Variants in HPSE2 observed in about 807,000 individuals in gnomAD.
HPSE2 encodes heparanase 2 (inactive), also known as inactive heparanase-2.
In HPSE2, 38 loss-of-function variants were observed where a neutral mutation model predicts 60.5. That is an observed-to-expected ratio of 0.63 (90% CI 0.48 to 0.82). The LOEUF (loss-of-function observed/expected upper bound fraction) is 0.82, where lower values mean the gene tolerates loss of function less well. Among genes scored for constraint, HPSE2 ranks in the 40% least tolerant of loss-of-function variants. The pLI, the probability that HPSE2 is intolerant of heterozygous loss-of-function variation, is 0.00. For synonymous variants in HPSE2, 295 were observed against 293.2 expected, an observed-to-expected ratio of 1.01 and a Z score of -0.06; for missense variants, 713 against 740.4, an observed-to-expected ratio of 0.96 and a Z score of 0.43.
At chr10:98,916,796 G>A (rs553393162) in intron 3 of HPSE2, among the ~76,000 whole-genome samples, 52 of 152,228 alleles carry the variant, frequency 3.4e-4, no homozygotes, top group African/African-American at 1.2e-3. Context: ...TAACACATAG[G>A]TCTGGCCCCT....
chr10:99,014,882 C>G (rs1030456260), intron 3 of HPSE2, among the ~76,000 whole-genome samples: 7 of 152,050 alleles, frequency 4.6e-5, no homozygotes, highest in Non-Finnish European at 7.4e-5. Flanking sequence ...GAGCGAACAG[C>G]CAACCTACAG....
At chr10:98,793,549 T>C (rs1663888703) in intron 3 of HPSE2, among the ~76,000 whole-genome samples, 1 of 152,230 alleles carries the variant, frequency 6.6e-6, no homozygotes, top group Non-Finnish European at 1.5e-5. Context: ...TGGACCTACA[T>C]TCCAGATAGG....
intron 3 of HPSE2, among the ~76,000 whole-genome samples, chr10:98,819,476 G>A (rs1365997415): frequency 1.4e-5 from 2 of 146,122 alleles, no homozygotes; most frequent in Non-Finnish European, 3.0e-5. Context: ...TACTTGGAAG[G>A]GACTTCTTAG....
chr10:98,910,647 G>T (rs1292889364), intron 3 of HPSE2, among the ~76,000 whole-genome samples: 1 of 152,132 alleles, frequency 6.6e-6, no homozygotes, highest in Non-Finnish European at 1.5e-5. Flanking sequence ...GGGCCCAGAG[G>T]AACAGTAATC....
At chr10:98,671,574 T>C (rs1947508181) in intron 6 of HPSE2, among the ~76,000 whole-genome samples, 2 of 152,164 alleles carry the variant, frequency 1.3e-5, no homozygotes, top group Non-Finnish European at 2.9e-5. Flanking sequence ...TGAATAATAG[T>C]GTTGCATTCA....
the HPSE2 span, among the ~76,000 whole-genome samples, chr10:99,260,867 C>T: frequency 6.6e-6 from 1 of 152,192 alleles, no homozygotes; most frequent in Admixed American, 6.5e-5. Flanking sequence ...CCTCCTTCTT[C>T]TCCCTTAGCC....
At chr10:99,127,730 T>G (rs1845217361) in intron 3 of HPSE2, among the ~76,000 whole-genome samples, 2 of 152,178 alleles carry the variant, frequency 1.3e-5, no homozygotes, top group Admixed American at 6.5e-5. Flanking sequence ...GAAAGAATCT[T>G]AAGACCTGTG....
chr10:98,854,798 T>C (rs941884315), intron 3 of HPSE2, among the ~76,000 whole-genome samples: 36 of 152,222 alleles, frequency 2.4e-4, no homozygotes, highest in African/African-American at 7.5e-4. Flanking sequence ...CTTGTAGATT[T>C]AGTTTTATAG....
At chr10:99,132,964 G>A (rs1268117594) in intron 3 of HPSE2, among the ~76,000 whole-genome samples, 3 of 152,172 alleles carry the variant, frequency 2.0e-5, no homozygotes, top group African/African-American at 4.8e-5. Context: ...CACCCCCACA[G>A]AGCCCAGCAA....
chr10:98,956,777 C>T (rs1955519621), intron 3 of HPSE2, among the ~76,000 whole-genome samples: 3 of 142,610 alleles, frequency 2.1e-5, no homozygotes, highest in Middle Eastern at 3.5e-3. Context: ...TATAGTTGCT[C>T]AGCTGTGTGG....
chr10:98,665,608 C>T (rs1281712885), intron 6 of HPSE2, among the ~76,000 whole-genome samples: 1 of 152,178 alleles, frequency 6.6e-6, no homozygotes, highest in Non-Finnish European at 1.5e-5. Flanking sequence ...AACTTACAAG[C>T]CAGAAGAGAT....
At chr10:99,035,343 A>G (rs1957586610) in intron 3 of HPSE2, among the ~76,000 whole-genome samples, 1 of 152,198 alleles carries the variant, frequency 6.6e-6, no homozygotes, top group Non-Finnish European at 1.5e-5. Flanking sequence ...CAGGATCAAG[A>G]TCATCAATAT....
At chr10:98,566,073 C>CTACAATACT (rs1292495270) in intron 9 of HPSE2, among the ~76,000 whole-genome samples, 1 of 152,150 alleles carries the variant, frequency 6.6e-6, no homozygotes, top group Non-Finnish European at 1.5e-5. Flanking sequence ...CTGGCTATCC[C>CTACAATACT]TACAATACTG....
chr10:99,276,871 T>A, the HPSE2 span, among the ~76,000 whole-genome samples: 12 of 152,220 alleles, frequency 7.9e-5, no homozygotes, highest in South Asian at 2.1e-4. Flanking sequence ...ATTATCCTAC[T>A]ATAATAATAT....
At chr10:98,814,007 G>A (rs1223135661) in intron 3 of HPSE2, among the ~76,000 whole-genome samples, 2 of 152,048 alleles carry the variant, frequency 1.3e-5, no homozygotes, top group Non-Finnish European at 2.9e-5. Flanking sequence ...CTTTAAAAAA[G>A]GGGAAACTGA....
intron 3 of HPSE2, among the ~76,000 whole-genome samples, chr10:98,767,589 T>C (rs1950149109): frequency 6.8e-6 from 1 of 146,000 alleles, no homozygotes; most frequent in African/African-American, 2.5e-5. Context: ...TAATATGTAG[T>C]TATATACAAT....
intron 3 of HPSE2, among the ~76,000 whole-genome samples, chr10:99,089,625 T>C (rs887735444): frequency 6.6e-6 from 1 of 152,228 alleles, no homozygotes; most frequent in Non-Finnish European, 1.5e-5. Flanking sequence ...AAGTTTGTTC[T>C]TTTTGCTTAG....
chr10:98,934,390 G>A lies in HPSE2; in HGVS notation c.611-190334C>T, dbSNP rs1203077641. On this transcript the variant is annotated intron_variant, in intron 3 of 11. Coordinates refer to ENST00000370552, the MANE Select transcript of HPSE2 (RefSeq NM_021828.5). ...TAGTGTCATTGGTCTGTGTACTTCA[G>A]TGTGTTTTTGTAGTGGCTAGTAATG... 1.4e-5 allele frequency among the ~76,000 whole-genome samples: 2 copies of A among 144,546 alleles called. 1 individual carries two copies. The highest frequency in any genetic ancestry group is 5.6e-5 in the African/African-American group (2 of 35,724). 94.8% of individuals were successfully genotyped at this position (144,546 alleles called of 152,430 possible).
chr10:98,742,628 A>G (rs763056275), intron 4 of HPSE2, among the ~76,000 whole-genome samples: 1 of 152,166 alleles, frequency 6.6e-6, no homozygotes, highest in Non-Finnish European at 1.5e-5. Flanking sequence ...TTGACTCAAT[A>G]TTACAGATTC....
Sources: allele counts gnomAD v4.1 joint callset (sites outside exome capture counted in the v4.1 genomes callset), GRCh38; gene constraint gnomAD v4.1.1; transcripts MANE v1.5; gene names NCBI Gene and HGNC (gene_info 2026-07-23, HGNC 2026-07-21).